FAM178B: variants seen among roughly 807,000 people sequenced by gnomAD.
FAM178B encodes protein FAM178B.
FAM178B carries 82 observed loss-of-function variants against 91.7 expected under a neutral mutation model. That is an observed-to-expected ratio of 0.89 (90% CI 0.75 to 1.07). The LOEUF (loss-of-function observed/expected upper bound fraction) is 1.07, where lower values mean the gene tolerates loss of function less well. FAM178B is among the 50% of genes least tolerant of loss of function. The probability of loss-of-function intolerance (pLI) is 0.00; values close to 1 mark genes in which losing one functional copy is unlikely to be tolerated. For missense variants in FAM178B, 769 were observed against 846.7 expected (o/e 0.91, Z 1.14); for synonymous variants, 368 against 359.4 (o/e 1.02, Z -0.27).
intron 13 of FAM178B, among the ~76,000 whole-genome samples, chr2:96,896,255 G>T (rs1201308339): frequency 6.6e-6 from 1 of 152,214 alleles, no homozygotes; most frequent in Non-Finnish European, 1.5e-5. Flanking sequence ...TTGCTCTTGT[G>T]TTTTTCCTCT....
intron 10 of FAM178B, 110 bp from the exon 11 acceptor site, chr2:96,921,764 C>T: frequency 8.7e-7 from 1 of 1,144,672 alleles, no homozygotes. Flanking sequence ...TACTGTGAGC[C>T]CCGCGGCCAT....
At chr2:96,921,907 G>C (rs761564670) in intron 10 of FAM178B, among the ~76,000 whole-genome samples, 20 of 152,096 alleles carry the variant, frequency 1.3e-4, no homozygotes, top group Admixed American at 5.9e-4. Context: ...GGTAAAACAA[G>C]GCTGAGACCT....
intron 14 of FAM178B, among the ~76,000 whole-genome samples, chr2:96,892,440 C>G (rs2080705186): frequency 6.6e-6 from 1 of 152,192 alleles, no homozygotes; most frequent in African/African-American, 2.4e-5. Flanking sequence ...TGCACGGTGC[C>G]TCCATGTTTT....
Position 96,921,468 on chromosome 2 carries a change from C to A in FAM178B, c.1464+10G>T. 6.4e-7 allele frequency: 1 copy of A among 1,551,578 alleles called. No individual in the cohort carries two copies. The highest frequency in any genetic ancestry group is 8.7e-7 in the Non-Finnish European group (1 of 1,146,938). On this transcript the variant is annotated intron_variant, in intron 11 of 16. Transcript: ENST00000490605. ...AGCTGTATGAGGACCAGGCTCTGGG[C>A]GTCTAGTACCTTCCCTGGCCACTCC...
chr2:96,971,897 T>C lies in FAM178B; in HGVS notation c.564+4A>G. 1 of 1,482,088 alleles carries C rather than the reference T, an allele frequency of 6.7e-7. No homozygotes were observed. Among genetic ancestry groups the C allele is most frequent in the Non-Finnish European group, 9.0e-7 (1 of 1,115,034 alleles). 91.8% of individuals were successfully genotyped at this position (1,482,088 alleles called of 1,614,324 possible). On this transcript the variant is annotated splice_donor_region_variant and intron_variant, in intron 3 of 16. Transcript: ENST00000490605. ...GAAGAGGCCAAGGGTGGACACAGGC[T>C]CACCTCTGGGGCCGCAGCCTGCTGG...
chr2:96,962,172 G>A (rs753204231), intron 5 of FAM178B, among the ~76,000 whole-genome samples: 2 of 151,974 alleles, frequency 1.3e-5, no homozygotes, highest in East Asian at 3.9e-4. Flanking sequence ...CGTGGTAGCC[G>A]GCACCTGTAA....
intron 14 of FAM178B, among the ~76,000 whole-genome samples, chr2:96,879,360 C>T (rs2080323285): frequency 6.6e-6 from 1 of 152,162 alleles, no homozygotes; most frequent in Admixed American, 6.5e-5. Context: ...CGGCAGGTGA[C>T]AATAGGCTGG....
chr2:96,878,464 C>G lies in FAM178B; in HGVS notation c.1806G>C (p.Met602Ile), dbSNP rs1311375676. Reference protein sequence around the residue: ...KACYLCHSLLMLAGVVVSCQD... With the variant: ...KACYLCHSLLILAGVVVSCQD... Reference sequence around the variant, plus strand: ...GGCAGCTAACAACTACCCCGGCCAGCATCAGCAAGCTGTGGCACAGGTAGC... The same window carrying G: ...GGCAGCTAACAACTACCCCGGCCAGGATCAGCAAGCTGTGGCACAGGTAGC... Residue 602 changes from methionine (M) to isoleucine (I), a missense_variant, in exon 15 of 17, where the codon ATG becomes ATC. Coordinates refer to ENST00000490605, the MANE Select transcript of FAM178B (RefSeq NM_001122646.3). The G allele has an allele frequency of 6.2e-7, 1 of 1,613,868 alleles. No individual in the cohort carries two copies. Among genetic ancestry groups the G allele is most frequent in the Non-Finnish European group, 8.5e-7 (1 of 1,180,028 alleles).
intron 12 of FAM178B, among the ~76,000 whole-genome samples, chr2:96,912,950 AGAG>A (rs758486085): frequency 6.6e-6 from 1 of 152,308 alleles, no homozygotes; most frequent in Non-Finnish European, 1.5e-5. Flanking sequence ...CATGAGTGAA[AGAG>A]AACTGGGGGA....
At chr2:96,955,553 G>A (rs1284543467) in intron 6 of FAM178B, among the ~76,000 whole-genome samples, 4 of 152,022 alleles carry the variant, frequency 2.6e-5, no homozygotes, top group African/African-American at 7.2e-5. Context: ...GGTGGTGGGC[G>A]CCTGTAATCC....
At chr2:96,958,903 A>G (rs527800453) in intron 6 of FAM178B, among the ~76,000 whole-genome samples, 8 of 151,976 alleles carry the variant, frequency 5.3e-5, no homozygotes, top group Non-Finnish European at 1.0e-4. Flanking sequence ...GATTTGCTTA[A>G]AAGTATTCCT....
At chr2:96,946,311 C>T (rs866314232) in intron 8 of FAM178B, among the ~76,000 whole-genome samples, 9 of 152,152 alleles carry the variant, frequency 5.9e-5, no homozygotes, top group Admixed American at 5.2e-4. Context: ...TATCCATTCA[C>T]GGGTGGACAC....
intron 12 of FAM178B, among the ~76,000 whole-genome samples, chr2:96,910,934 A>C (rs2081144049): frequency 6.6e-6 from 1 of 151,746 alleles, no homozygotes; most frequent in African/African-American, 2.4e-5. Context: ...TGCCCGGCTA[A>C]TTTTTGTATT....
Position 96,986,265 on chromosome 2 carries a change from G to T in FAM178B, c.49C>A (p.Gln17Lys). 6.5e-7 allele frequency: 1 copy of T among 1,534,540 alleles called. No individual in the cohort carries two copies. Among genetic ancestry groups the T allele is most frequent in the Non-Finnish European group, 8.7e-7 (1 of 1,146,762 alleles). Residue 17 changes from glutamine (Q) to lysine (K), a missense_variant, in exon 1 of 17, where the codon CAG becomes AAG. By Grantham distance (53) the Gln-to-Lys change is moderately conservative (BLOSUM62 1). Coordinates refer to ENST00000490605, the MANE Select transcript of FAM178B (RefSeq NM_001122646.3). ...CCTGTAAAATGGAGCCGCTGATCCT[G>T]CCTCCTGAGTTGTGGAGCGAGGCCC... The part of the protein sequence containing the change: ...GAGLAPQLRR[Q>K]DQRLHFTGQM...
chr2:96,952,547 A>C (rs1346006339), intron 6 of FAM178B, among the ~76,000 whole-genome samples: 1 of 152,170 alleles, frequency 6.6e-6, no homozygotes, highest in Non-Finnish European at 1.5e-5. Flanking sequence ...CCGGTAGATC[A>C]CCTTGACCTA....
rs1047278101 is a variant in FAM178B, at chr2:96,974,068, C to T, written c.74-1462G>A. Among the ~76,000 whole-genome samples the T allele has an allele frequency of 5.3e-5, 8 of 151,014 alleles. No individual in the cohort carries two copies. In the South Asian group the frequency reaches 8.4e-4, roughly 16 times the overall value. The stretch of plus-strand genomic sequence containing the variant: ...TGAATTATAATCTCCAGGGTAATCA[C>T]TAAGGAAATAACTTAAAAATATACA... On this transcript the variant is annotated intron_variant, in intron 1 of 16. Coordinates refer to ENST00000490605, the MANE Select transcript of FAM178B (RefSeq NM_001122646.3).
At chr2:96,894,463 C>G (rs1280473720) in intron 13 of FAM178B, among the ~76,000 whole-genome samples, 4 of 129,322 alleles carry the variant, frequency 3.1e-5, no homozygotes, top group Non-Finnish European at 6.6e-5. Flanking sequence ...TACTCACCCC[C>G]TCCACAGACC....
At chr2:96,895,191 G>A (rs768196202) in intron 13 of FAM178B, 45 of 1,047,622 alleles carry the variant, frequency 4.3e-5, no homozygotes, top group Non-Finnish European at 5.1e-5. Context: ...TACCCATAAA[G>A]AGCTTCTACA....
Position 96,951,497 on chromosome 2 carries a change from G to A in FAM178B, c.888-13C>T, listed in dbSNP as rs1172370037. The stretch of plus-strand genomic sequence containing the variant: ...GGCTGGCGGGGAGCTGGGAGGCAGA[G>A]GGCTGAGGTTAGGGGAGGCCTCTGT... On this transcript the variant is annotated splice_polypyrimidine_tract_variant and intron_variant, in intron 6 of 16. Transcript: ENST00000490605. 1 of 1,548,414 alleles carries A rather than the reference G, an allele frequency of 6.5e-7. No individual in the cohort carries two copies. The highest frequency in any genetic ancestry group is 2.4e-5 in the East Asian group (1 of 40,890).
Sources: allele counts gnomAD v4.1 joint callset (sites outside exome capture counted in the v4.1 genomes callset), GRCh38; gene constraint gnomAD v4.1.1; transcripts MANE v1.5; gene names NCBI Gene and HGNC (gene_info 2026-07-23, HGNC 2026-07-21).